The following KCTD8 variants were observed in gnomAD, a reference collection of about 807,000 sequenced individuals.
KCTD8 encodes the protein BTB/POZ domain-containing protein KCTD8.
A neutral mutation model predicts 31.5 loss-of-function variants in KCTD8; 27 were observed. That is an observed-to-expected ratio of 0.86 (90% CI 0.63 to 1.18). The LOEUF is 1.18. Among genes scored for constraint, KCTD8 ranks in the 50% most tolerant of loss-of-function variants. The pLI is 0.00. For synonymous variants in KCTD8, 290 were observed against 280.0 expected (o/e 1.04, Z -0.36); for missense variants, 658 against 647.7 (o/e 1.02, Z -0.17).
intron 1 of KCTD8, among the ~76,000 whole-genome samples, chr4:44,308,962 GTAATTA>G (rs1228237691): frequency 6.6e-6 from 1 of 152,028 alleles, no homozygotes. Flanking sequence ...GTATTGAATA[GTAATTA>G]TAATAATAGA....
chr4:44,195,374 C>T (rs140073908), intron 1 of KCTD8, among the ~76,000 whole-genome samples: 6 of 152,220 alleles, frequency 3.9e-5, no homozygotes, highest in Admixed American at 2.6e-4. Flanking sequence ...CAACATTAAC[C>T]GATGACTAGG....
chr4:44,407,349 C>T (rs557085289), intron 1 of KCTD8, among the ~76,000 whole-genome samples: 12 of 151,758 alleles, frequency 7.9e-5, no homozygotes, highest in South Asian at 6.3e-4. Flanking sequence ...CTACTTACTC[C>T]GATATAGTCA....
At chr4:44,245,487 CT>C (rs1467033734) in intron 1 of KCTD8, among the ~76,000 whole-genome samples, 3 of 151,802 alleles carry the variant, frequency 2.0e-5, no homozygotes, top group Non-Finnish European at 4.4e-5. Context: ...CATGTAGATT[CT>C]TTTATGTGTT....
At chr4:44,237,750 C>A (rs1262783269) in intron 1 of KCTD8, among the ~76,000 whole-genome samples, 1 of 152,100 alleles carries the variant, frequency 6.6e-6, no homozygotes, top group Non-Finnish European at 1.5e-5. Context: ...TAAGCATATG[C>A]ACATTTTGTA....
chr4:44,250,498 A>G (rs1315584129), intron 1 of KCTD8, among the ~76,000 whole-genome samples: 1 of 151,768 alleles, frequency 6.6e-6, no homozygotes, highest in Non-Finnish European at 1.5e-5. Flanking sequence ...AGACCCAAAG[A>G]TGTAAAATCA....
At chr4:44,197,973 G>A (rs1189690356) in intron 1 of KCTD8, among the ~76,000 whole-genome samples, 1 of 152,072 alleles carries the variant, frequency 6.6e-6, no homozygotes, top group Non-Finnish European at 1.5e-5. Context: ...TGAACTTCTG[G>A]AATTGAAGAA....
intron 1 of KCTD8, among the ~76,000 whole-genome samples, chr4:44,253,809 T>G (rs1363136691): frequency 1.3e-5 from 2 of 151,856 alleles, no homozygotes; most frequent in Non-Finnish European, 2.9e-5. Flanking sequence ...ATTTTTTATT[T>G]TGTCAGTAAG....
intron 1 of KCTD8, among the ~76,000 whole-genome samples, chr4:44,431,292 C>T (rs6854717): frequency 0.31 from 47,392 of 151,306 alleles, 8,651 homozygotes; most frequent in African/African-American, 0.52. Context: ...CTCCTATCCA[C>T]CCCTTTTCCC....
At chr4:44,392,032 CTG>C (rs2109450577) in intron 1 of KCTD8, among the ~76,000 whole-genome samples, 1 of 152,162 alleles carries the variant, frequency 6.6e-6, no homozygotes, top group Admixed American at 6.6e-5. Flanking sequence ...GTCTTACCAA[CTG>C]TCAGAATTTC....
chr4:44,212,630 T>C (rs559277735), intron 1 of KCTD8, among the ~76,000 whole-genome samples: 11 of 152,268 alleles, frequency 7.2e-5, no homozygotes, highest in Non-Finnish European at 1.3e-4. Flanking sequence ...ATAAAAACTT[T>C]AAATTAAAAA....
intron 1 of KCTD8, among the ~76,000 whole-genome samples, chr4:44,248,345 C>G (rs1359731245): frequency 6.6e-6 from 1 of 150,930 alleles, no homozygotes; most frequent in Non-Finnish European, 1.5e-5. Context: ...ATCCCAACAA[C>G]AGGAGACTTG....
intron 1 of KCTD8, among the ~76,000 whole-genome samples, chr4:44,399,616 C>T (rs992126589): frequency 8.5e-5 from 13 of 152,122 alleles, no homozygotes; most frequent in African/African-American, 3.1e-4. Context: ...CAGCATAATT[C>T]AGGGTATCCA....
intron 1 of KCTD8, among the ~76,000 whole-genome samples, chr4:44,213,218 G>A (rs1036480125): frequency 8.5e-5 from 13 of 152,264 alleles, no homozygotes; most frequent in African/African-American, 2.4e-4. Flanking sequence ...ATACAGGCAT[G>A]AGCCACCGTG....
At chr4:44,346,455 C>T (rs1301897592) in intron 1 of KCTD8, among the ~76,000 whole-genome samples, 1 of 152,068 alleles carries the variant, frequency 6.6e-6, no homozygotes, top group Non-Finnish European at 1.5e-5. Flanking sequence ...CATAGACATT[C>T]CTTATATTTA....
At chr4:44,394,275 GA>G (rs1225888373) in intron 1 of KCTD8, among the ~76,000 whole-genome samples, 1 of 151,950 alleles carries the variant, frequency 6.6e-6, no homozygotes, top group Non-Finnish European at 1.5e-5. Flanking sequence ...TACAGGCAAA[GA>G]AATACAGTTT....
At chr4:44,198,928 C>T (rs1034748576) in intron 1 of KCTD8, among the ~76,000 whole-genome samples, 2 of 151,754 alleles carry the variant, frequency 1.3e-5, no homozygotes, top group Non-Finnish European at 2.9e-5. Context: ...CATGTAATGA[C>T]GACTCTAAGT....
chr4:44,415,870 T>G (rs1468255241), intron 1 of KCTD8, among the ~76,000 whole-genome samples: 6 of 152,202 alleles, frequency 3.9e-5, no homozygotes, highest in Admixed American at 1.3e-4. Flanking sequence ...AGGGAAAATG[T>G]GGGTGGACCC....
At chr4:44,420,174 A>G (rs990622108) in intron 1 of KCTD8, among the ~76,000 whole-genome samples, 2 of 152,092 alleles carry the variant, frequency 1.3e-5, no homozygotes, top group Non-Finnish European at 1.5e-5. Context: ...GGGAGGACAG[A>G]GATGTTAGGG....
chr4:44,292,220 AC>A (rs1221267320), intron 1 of KCTD8, among the ~76,000 whole-genome samples: 1 of 152,130 alleles, frequency 6.6e-6, no homozygotes, highest in African/African-American at 2.4e-5. Flanking sequence ...CATGGAATTG[AC>A]CTACGTGCCC....
Sources: allele counts gnomAD v4.1 joint callset (sites outside exome capture counted in the v4.1 genomes callset), GRCh38; gene constraint gnomAD v4.1.1; transcripts MANE v1.5; gene names NCBI Gene and HGNC (gene_info 2026-07-23, HGNC 2026-07-21).